TCTN2: variants seen among roughly 807,000 people sequenced by gnomAD.
TCTN2 encodes tectonic-2.
A neutral mutation model predicts 83.4 loss-of-function variants in TCTN2; 66 were observed. The observed-to-expected ratio is 0.79, with a 90% confidence interval of 0.65 to 0.97. The LOEUF (loss-of-function observed/expected upper bound fraction) is 0.97, where lower values mean the gene tolerates loss of function less well. Among genes scored for constraint, TCTN2 ranks in the 50% least tolerant of loss-of-function variants. The pLI, the probability that TCTN2 is intolerant of heterozygous loss-of-function variation, is 0.00. For missense variants in TCTN2, 794 were observed against 858.1 expected (o/e 0.93, Z 0.93); for synonymous variants, 301 against 326.7 (o/e 0.92, Z 0.85).
At chr12:123,695,086 A>T (rs537667811) in intron 10 of TCTN2, 110 bp downstream of exon 10, 3 of 1,478,142 alleles carry the variant, frequency 2.0e-6, no homozygotes, top group Non-Finnish European at 1.9e-6. Context: ...CTTGTTTCTT[A>T]TGTGCATTTA....
intron 4 of TCTN2, among the ~76,000 whole-genome samples, chr12:123,675,894 C>T (rs1048603628): frequency 1.3e-5 from 2 of 151,734 alleles, no homozygotes; most frequent in South Asian, 2.1e-4. Flanking sequence ...CCAAAAAAAC[C>T]GTATTCAATG....
At chr12:123,692,518 G>T (rs1956055583) in intron 8 of TCTN2, 140 bp from the exon 9 acceptor site, 2 of 707,044 alleles carry the variant, frequency 2.8e-6, no homozygotes, top group African/African-American at 1.8e-5. Context: ...GATGGTTTTT[G>T]GGGAGTGGGG....
chr12:123,688,213 C>CTTTT (rs58689399), intron 7 of TCTN2, 36 bp downstream of exon 7: 27 of 1,349,514 alleles, frequency 2.0e-5, no homozygotes, highest in South Asian at 6.6e-5. Context: ...AGACCGTTCT[C>CTTTT]TTTTTTTTTT....
In TCTN2 at chr12:123,706,818, A is replaced by C; in HGVS notation, c.1862A>C (p.Lys621Thr). 6.2e-7 allele frequency: 1 copy of C among 1,614,134 alleles called. No individual in the cohort carries two copies. The highest frequency in any genetic ancestry group is 8.5e-7 in the Non-Finnish European group (1 of 1,180,018). Residue 621 changes from lysine (K) to threonine (T), a missense_variant, in exon 16 of 18, where the codon AAA becomes ACA. Physicochemically the swap from Lys to Thr is moderately conservative, Grantham distance 78. Coordinates refer to ENST00000303372, the MANE Select transcript of TCTN2 (RefSeq NM_024809.5). ...LPISASVQFI[K>T]IPAQLPHPLT... ...ATCAGTGCATCCGTCCAGTTTATTAAAATTCCTGCACAGTTACCCCACCCC... is the reference window on the plus strand; with the variant it reads ...ATCAGTGCATCCGTCCAGTTTATTACAATTCCTGCACAGTTACCCCACCCC...
At position 123,671,171 on chromosome 12, in the gene TCTN2, C is replaced by G; in HGVS notation, c.-70C>G. The G allele has an allele frequency of 6.9e-7, 1 of 1,453,060 alleles. No individual in the cohort carries two copies. The highest frequency in any genetic ancestry group is 1.2e-5 in the South Asian group (1 of 83,620). The allele number at this position is 1,453,060 out of a possible 1,614,324, so 90.0% of individuals were successfully genotyped here. On this transcript the variant is annotated 5_prime_UTR_variant, in exon 1 of 18. Coordinates refer to ENST00000303372, the MANE Select transcript of TCTN2 (RefSeq NM_024809.5). ...GGCGGGGCAGTGGCTGCTGCGTTTT[C>G]GTGTCTGAGTCCTTCCTGGGTTCTA...
At chr12:123,696,098 C>A (rs1956104804) in intron 11 of TCTN2, 1 of 346,778 alleles carries the variant, frequency 2.9e-6, no homozygotes, top group East Asian at 7.2e-5. Flanking sequence ...CCCACCTCGG[C>A]CTCCCAAAGT....
chr12:123,696,290 G>T, intron 11 of TCTN2, 125 bp from the exon 12 acceptor site: 1 of 778,872 alleles, frequency 1.3e-6, no homozygotes, highest in Non-Finnish European at 2.3e-6. Flanking sequence ...TTTCTCTCAA[G>T]GGTATTTTCG....
In TCTN2 at chr12:123,688,059, A is replaced by G; in HGVS notation, c.773A>G (p.Lys258Arg). ...GYFYHGAVSP[K>R]QDSSFEVYVD... ...TTCTTATTGATTTTCAGTTCCCCCA[A>G]ACAGGACTCTTCCTTTGAAGTATAT... The change falls in exon 7 of 18, where the codon AAA becomes AGA. Residue 258 changes from lysine to arginine, a missense_variant. Physicochemically the swap from Lys to Arg is conservative, Grantham distance 26. Transcript: ENST00000303372. 2 of 1,614,048 alleles carry G rather than the reference A, an allele frequency of 1.2e-6. No homozygotes were observed. The highest frequency in any genetic ancestry group is 2.2e-5 in the South Asian group (2 of 91,080).
chr12:123,688,150 A>G lies in TCTN2; in HGVS notation c.864A>G (p.Val288=). 1 of 1,613,736 alleles carries G rather than the reference A, an allele frequency of 6.2e-7. No homozygotes were observed. Among genetic ancestry groups the G allele is most frequent in the Non-Finnish European group, 8.5e-7 (1 of 1,179,694 alleles). ...GYKQGDPIMT[V]KKAYFTIPQV... ...AACAAGGAGATCCCATTATGACTGT[A>G]AAGAAGGCATATTTTACTATTCCGC... Residue 288 remains valine, a synonymous_variant, in exon 7 of 18, where the codon GTA becomes GTG. Coordinates refer to ENST00000303372, the MANE Select transcript of TCTN2 (RefSeq NM_024809.5).
Position 123,690,623 on chromosome 12 carries a change from C to T in TCTN2, c.982C>T (p.Gln328Ter). 6.2e-7 allele frequency: 1 copy of T among 1,613,992 alleles called. No homozygotes were observed. The highest frequency in any genetic ancestry group is 8.5e-7 in the Non-Finnish European group (1 of 1,180,002). ...VKCVTNLELY[Q>*]ERDGIINAKI... ...ATGCGTTACTAATTTGGAACTATAC[C>T]AAGAACGAGATGGTATTATCAATGC... The change falls in exon 8 of 18, where the codon CAA (glutamine) becomes TAA (stop). Residue 328 changes from glutamine (Q) to a stop codon, truncating the protein, a stop_gained. Coordinates refer to ENST00000303372, the MANE Select transcript of TCTN2 (RefSeq NM_024809.5). LOFTEE classifies it high-confidence loss of function.
intron 5 of TCTN2, among the ~76,000 whole-genome samples, chr12:123,684,315 C>G (rs1175161125): frequency 2.0e-5 from 3 of 151,078 alleles, no homozygotes; most frequent in East Asian, 3.9e-4. Context: ...GATCTACCCT[C>G]TTAGCAAATT....
At chr12:123,688,222 T>G in intron 7 of TCTN2, 45 bp downstream of exon 7, 1 of 1,585,876 alleles carries the variant, frequency 6.3e-7, no homozygotes, top group Non-Finnish European at 8.6e-7. Flanking sequence ...TCTTTTTTTT[T>G]TTTTTTTTTA....
chr12:123,699,577 T>A, intron 13 of TCTN2, 127 bp from the exon 14 acceptor site: 1 of 805,282 alleles, frequency 1.2e-6, no homozygotes, highest in South Asian at 1.4e-5. Flanking sequence ...CCAGCCAGTT[T>A]TTAATGCCAG....
chr12:123,704,024 T>C (rs901547187), intron 14 of TCTN2, among the ~76,000 whole-genome samples: 1 of 143,884 alleles, frequency 7.0e-6, no homozygotes, highest in Non-Finnish European at 1.5e-5. Flanking sequence ...TTTTTTTTTT[T>C]TGAGACAGAG....
At chr12:123,672,611 A>C (rs1338914790) in intron 3 of TCTN2, among the ~76,000 whole-genome samples, 1 of 151,770 alleles carries the variant, frequency 6.6e-6, no homozygotes, top group Non-Finnish European at 1.5e-5. Flanking sequence ...GCGTACACCT[A>C]CAGTCCCAGA....
At chr12:123,689,959 C>T (rs1956021894) in intron 7 of TCTN2, among the ~76,000 whole-genome samples, 1 of 151,980 alleles carries the variant, frequency 6.6e-6, no homozygotes, top group Non-Finnish European at 1.5e-5. Flanking sequence ...TGCCATTATA[C>T]CCGGTTAATT....
Position 123,707,831 on chromosome 12 carries a change from C to T in TCTN2, c.*118C>T, listed in dbSNP as rs1406655774. 5.0e-6 allele frequency: 4 copies of T among 792,510 alleles called. No individual in the cohort carries two copies. In the Admixed American group the frequency reaches 7.9e-5, roughly 16 times the overall value. 49.1% of individuals were successfully genotyped at this position (792,510 alleles called of 1,614,324 possible). ...GGTTCAAGCGATTCTCCTGCCTCAGCCTCCGGAGAACTGGGATTACAGGCA... is the reference window on the plus strand; with the variant it reads ...GGTTCAAGCGATTCTCCTGCCTCAGTCTCCGGAGAACTGGGATTACAGGCA... On this transcript the variant is annotated 3_prime_UTR_variant, in exon 18 of 18. Coordinates refer to ENST00000303372, the MANE Select transcript of TCTN2 (RefSeq NM_024809.5).
chr12:123,673,904 G>A (rs1366819720), intron 4 of TCTN2, 94 bp downstream of exon 4: 2 of 1,219,388 alleles, frequency 1.6e-6, no homozygotes, highest in Middle Eastern at 2.5e-4. Flanking sequence ...GGAGGTTGAT[G>A]CTATAAATGA....
Position 123,694,961 on chromosome 12 carries a change from A to G in TCTN2, c.1219A>G (p.Asn407Asp). The change falls in exon 10 of 18, where the codon AAT becomes GAT. Residue 407 changes from asparagine (N) to aspartate (D), a missense_variant. Coordinates refer to ENST00000303372, the MANE Select transcript of TCTN2 (RefSeq NM_024809.5). Reference protein sequence around the residue: ...INVKIFRAEINAHQKGIMTQR... With the variant: ...INVKIFRAEIDAHQKGIMTQR... Reference sequence around the variant, plus strand: ...TGTTAAAATTTTTAGGGCAGAGATTAATGCCCACCAGAAAGGTAACTTTGA... The same window carrying G: ...TGTTAAAATTTTTAGGGCAGAGATTGATGCCCACCAGAAAGGTAACTTTGA... 6.2e-7 allele frequency: 1 copy of G among 1,613,482 alleles called. No homozygotes were observed. Among genetic ancestry groups the G allele is most frequent in the Non-Finnish European group, 8.5e-7 (1 of 1,179,588 alleles).
Sources: allele counts gnomAD v4.1 joint callset (sites outside exome capture counted in the v4.1 genomes callset), GRCh38; gene constraint gnomAD v4.1.1; transcripts MANE v1.5; gene names NCBI Gene and HGNC (gene_info 2026-07-23, HGNC 2026-07-21).